Variants in DMAC2L observed in about 807,000 individuals in gnomAD.
DMAC2L encodes distal membrane arm assembly component 2 like, also known as ATP synthase subunit s, mitochondrial.
In DMAC2L, 21 loss-of-function variants were observed where a neutral mutation model predicts 22.5. That is an observed-to-expected ratio of 0.93 (90% CI 0.66 to 1.34). The LOEUF (loss-of-function observed/expected upper bound fraction) is 1.34. Ranked by LOEUF, DMAC2L falls within the 40% of genes most tolerant of loss-of-function variation. The pLI is 0.00. For synonymous variants in DMAC2L, 86 were observed against 89.5 expected, an observed-to-expected ratio of 0.96 and a Z score of 0.22; for missense variants, 239 against 246.5, an observed-to-expected ratio of 0.97 and a Z score of 0.20.
At chr14:50,312,247 G>T, upstream of DMAC2L, 2 of 1,522,512 alleles carry the variant, frequency 1.3e-6, no homozygotes, top group East Asian at 2.4e-5. Context: ...CTCACGCGGG[G>T]GCCAATGAAG....
Position 50,325,920 on chromosome 14 carries a change from G to GAAC in DMAC2L, c.*199_*201dup. The GAAC allele has an allele frequency of 8.2e-7, 1 of 1,223,916 alleles. No homozygotes were observed. The highest frequency in any genetic ancestry group is 1.0e-6 in the Non-Finnish European group (1 of 976,020). 75.8% of individuals were successfully genotyped at this position (1,223,916 alleles called of 1,614,324 possible). ...TACTAAGTTGGAAGTGAGAATTTAT[G>GAAC]AACATTAATTCATTTTAAGAAAAGT... On this transcript the variant is annotated 3_prime_UTR_variant, in exon 6 of 6. Coordinates refer to ENST00000557421, the MANE Select transcript of DMAC2L (RefSeq NM_001382507.1).
chr14:50,314,154 C>T (rs2031551507), intron 1 of DMAC2L, among the ~76,000 whole-genome samples: 1 of 152,188 alleles, frequency 6.6e-6, no homozygotes, highest in Non-Finnish European at 1.5e-5. Context: ...TGAATTGTAA[C>T]TCACCATTCC....
intron 4 of DMAC2L, 28 bp from the exon 5 acceptor site, chr14:50,323,916 GA>G: frequency 6.4e-7 from 1 of 1,561,392 alleles, no homozygotes; most frequent in Admixed American, 1.9e-5. Flanking sequence ...TGGTAAAGCA[GA>G]TTCTTAATCT....
rs1221295614 is a variant in DMAC2L, at chr14:50,326,333, C to T, written c.*610C>T. ...TCTCTTGATGTAGATATTTAGAATC[C>T]TTTAAAGTTATTTGTACAACAGATG... On this transcript the variant is annotated 3_prime_UTR_variant, in exon 6 of 6. Coordinates refer to ENST00000557421, the MANE Select transcript of DMAC2L (RefSeq NM_001382507.1). 8 of 748,854 alleles carry T rather than the reference C, an allele frequency of 1.1e-5. No individual in the cohort carries two copies. The highest frequency in any genetic ancestry group is 1.1e-5 in the Non-Finnish European group (7 of 614,668). 46.4% of individuals were successfully genotyped at this position (748,854 alleles called of 1,614,324 possible).
Position 50,323,990 on chromosome 14 carries a change from A to G in DMAC2L, c.362A>G (p.Tyr121Cys), listed in dbSNP as rs1290309838. 5 of 1,613,782 alleles carry G rather than the reference A, an allele frequency of 3.1e-6. No individual in the cohort carries two copies. The highest frequency in any genetic ancestry group is 1.3e-5 in the African/African-American group (1 of 74,928). ...VEKIRLCKCH[Y>C]IEDDCLLRLS... ...AAAATAAGGCTGTGCAAGTGTCATTATATCGAGGATGACTGTTTGCTGAGA... is the reference window on the plus strand; with the variant it reads ...AAAATAAGGCTGTGCAAGTGTCATTGTATCGAGGATGACTGTTTGCTGAGA... Residue 121 changes from tyrosine (Y) to cysteine (C), a missense_variant, in exon 5 of 6, where the codon TAT (tyrosine) becomes TGT (cysteine). By Grantham distance (194) the Tyr-to-Cys change is radical (BLOSUM62 -2). Transcript: ENST00000557421.
intron 1 of DMAC2L, among the ~76,000 whole-genome samples, chr14:50,313,359 A>G (rs2031439588): frequency 6.6e-6 from 1 of 152,196 alleles, no homozygotes; most frequent in Non-Finnish European, 1.5e-5. Context: ...GTGAACTAGG[A>G]ATGATAGCAG....
At position 50,325,814 on chromosome 14, in the gene DMAC2L, AG is replaced by A; in HGVS notation, c.*93del. ...TTATATAGTCATCAGTAGAATTATAAGGATGCCATATCATGACATTTTAGAA... is the reference window on the plus strand; with the variant it reads ...TTATATAGTCATCAGTAGAATTATAAGATGCCATATCATGACATTTTAGAA... On this transcript the variant is annotated 3_prime_UTR_variant, in exon 6 of 6. Coordinates refer to ENST00000557421, the MANE Select transcript of DMAC2L (RefSeq NM_001382507.1). 1 of 1,474,646 alleles carries A rather than the reference AG, an allele frequency of 6.8e-7. No homozygotes were observed. Among genetic ancestry groups the A allele is most frequent in the Non-Finnish European group, 9.0e-7 (1 of 1,115,918 alleles). The allele number at this position is 1,474,646 out of a possible 1,614,324, so 91.3% of individuals were successfully genotyped here.
At chr14:50,324,996 G>A (rs754002374) in intron 5 of DMAC2L, among the ~76,000 whole-genome samples, 1 of 152,134 alleles carries the variant, frequency 6.6e-6, no homozygotes, top group Non-Finnish European at 1.5e-5. Flanking sequence ...AGCTGGTCTC[G>A]AACTCCTGAA....
intron 2 of DMAC2L, among the ~76,000 whole-genome samples, chr14:50,317,930 A>G (rs945491905): frequency 1.7e-4 from 26 of 152,108 alleles, no homozygotes; most frequent in Admixed American, 2.6e-4. Flanking sequence ...TTGTATGCCA[A>G]TTTTGCGGAG....
In DMAC2L at chr14:50,322,905, C is replaced by T. The variant is rs1810193983; in HGVS notation, c.316+186C>T. On this transcript the variant is annotated intron_variant, in intron 4 of 5. Coordinates refer to ENST00000557421, the MANE Select transcript of DMAC2L (RefSeq NM_001382507.1). ...ATTGAGGTTACAGACACCTTCCTCT[C>T]CTTCCTCCTCTCACTAAGCTTGTTT... 3.5e-6 allele frequency: 5 copies of T among 1,443,358 alleles called. 1 individual carries two copies. In the South Asian group the frequency reaches 7.4e-5, roughly 21 times the overall value. 89.4% of individuals were successfully genotyped at this position (1,443,358 alleles called of 1,614,324 possible).
intron 4 of DMAC2L, among the ~76,000 whole-genome samples, chr14:50,323,463 G>A (rs2139316898): frequency 7.3e-6 from 1 of 136,908 alleles, no homozygotes; most frequent in South Asian, 2.5e-4. Context: ...GCGTGATCTT[G>A]GCTCACTGCA....
At chr14:50,322,419 T>A in intron 3 of DMAC2L, 92 bp from the exon 4 acceptor site, 1 of 1,290,378 alleles carries the variant, frequency 7.7e-7, no homozygotes, top group Non-Finnish European at 1.0e-6. Flanking sequence ...AAATGAAAAT[T>A]TGTTGCGTTC....
At chr14:50,317,600 C>G (rs2031914223) in intron 2 of DMAC2L, among the ~76,000 whole-genome samples, 1 of 152,092 alleles carries the variant, frequency 6.6e-6, no homozygotes, top group Non-Finnish European at 1.5e-5. Flanking sequence ...GAAACCCCAT[C>G]TCTACTAAAA....
intron 1 of DMAC2L, 111 bp from the exon 2 acceptor site, chr14:50,314,480 T>G (rs1333744529): frequency 2.2e-6 from 1 of 453,958 alleles, no homozygotes; most frequent in Non-Finnish European, 4.4e-6. Flanking sequence ...CATTCAACTG[T>G]TCACTCATTG....
At chr14:50,316,855 A>G (rs996180395) in intron 2 of DMAC2L, among the ~76,000 whole-genome samples, 9 of 152,140 alleles carry the variant, frequency 5.9e-5, no homozygotes, top group Non-Finnish European at 1.3e-4. Flanking sequence ...CTTTTTGCTT[A>G]GTCTTGCTTT....
At chr14:50,318,160 A>C (rs1309816696) in intron 2 of DMAC2L, among the ~76,000 whole-genome samples, 1 of 152,168 alleles carries the variant, frequency 6.6e-6, no homozygotes, top group Non-Finnish European at 1.5e-5. Flanking sequence ...TTTGCGTTTA[A>C]CTGGGTTCTT....
intron 1 of DMAC2L, among the ~76,000 whole-genome samples, chr14:50,313,504 G>A (rs2031459999): frequency 6.6e-6 from 1 of 152,164 alleles, no homozygotes; most frequent in Non-Finnish European, 1.5e-5. Context: ...GTGGTACATA[G>A]TTTGCTTTAT....
At chr14:50,322,994 TTGTCAAACTTC>T in intron 4 of DMAC2L, 1 of 1,334,334 alleles carries the variant, frequency 7.5e-7, no homozygotes, top group East Asian at 2.9e-5. Flanking sequence ...CAAACTATCT[TTGTCAAACTTC>T]TGTCATTGAG....
rs200216727 is a variant in DMAC2L at position 50,312,870 on chromosome 14, C to G, written c.-42+481C>G. The G allele has an allele frequency of 2.9e-5, 22 of 751,048 alleles. No homozygotes were observed. The East Asian group carries it at 3.5e-4, about 12-fold the overall frequency. The allele number at this position is 751,048 out of a possible 1,614,324, so 46.5% of individuals were successfully genotyped here. A position where few individuals can be genotyped will look rare whatever the true frequency, so the allele number is the denominator to read the frequency against. ...TTATGGGGCTCCTGGCGGTGCTATT[C>G]ATTCAGTCATTGATTCGTCTTGTAA... On this transcript the variant is annotated intron_variant, in intron 1 of 5. Coordinates refer to ENST00000557421, the MANE Select transcript of DMAC2L (RefSeq NM_001382507.1).
Sources: gnomAD v4.1 joint callset for allele counts (sites outside exome capture counted in the v4.1 genomes callset) on GRCh38, gnomAD v4.1.1 for gene constraint, MANE v1.5 for transcripts, NCBI Gene and HGNC (gene_info 2026-07-23, HGNC 2026-07-21) for gene names.